The following MTUS2 variants were observed in gnomAD, a reference collection of about 807,000 sequenced individuals.
The protein encoded by MTUS2 is microtubule-associated tumor suppressor candidate 2.
In MTUS2, 40 loss-of-function variants were observed where a neutral mutation model predicts 114.1. That is an observed-to-expected ratio of 0.35 (90% CI 0.27 to 0.46). The LOEUF (loss-of-function observed/expected upper bound fraction) is 0.46, where lower values mean the gene tolerates loss of function less well. Among genes scored for constraint, MTUS2 ranks in the 20% least tolerant of loss-of-function variants. MTUS2 has a pLI of 1.00. For missense variants in MTUS2, 1,679 were observed against 1,705.4 expected (o/e 0.98, Z 0.27); for synonymous variants, 688 against 672.0 (o/e 1.02, Z -0.37).
At chr13:29,211,440 G>C (rs1385989133) in intron 5 of MTUS2, among the ~76,000 whole-genome samples, 43 of 152,392 alleles carry the variant, frequency 2.8e-4, no homozygotes, top group African/African-American at 9.9e-4. Context: ...GCGCCTATCT[G>C]TACTCCCAGA....
At chr13:28,895,010 G>A (rs1327477970) in intron 2 of MTUS2, among the ~76,000 whole-genome samples, 1 of 152,224 alleles carries the variant, frequency 6.6e-6, no homozygotes, top group East Asian at 1.9e-4. Flanking sequence ...AAGGATTAAA[G>A]AATGTATTTC....
rs1048080889 is a variant in MTUS2 at position 29,502,905 on chromosome 13, T to A, written c.3897-88T>A. ...TGTTCTCCCTGCGGTCATCATGGCC[T>A]CCTCCCTTTGCCCTGCACCATTGTC... On this transcript the variant is annotated intron_variant, in intron 15 of 15. Transcript: ENST00000612955. The A allele has an allele frequency of 8.2e-6, 11 of 1,345,566 alleles. No homozygotes were observed. The Admixed American group carries it at 2.1e-4, about 26-fold the overall frequency. 83.4% of individuals were successfully genotyped at this position (1,345,566 alleles called of 1,614,324 possible).
At chr13:29,468,499 A>C (rs1880046009) in intron 9 of MTUS2, among the ~76,000 whole-genome samples, 1 of 151,956 alleles carries the variant, frequency 6.6e-6, no homozygotes, top group Non-Finnish European at 1.5e-5. Context: ...AAATTGTTTG[A>C]ACCTGGGCTG....
At chr13:29,010,793 C>A (rs890476989) in intron 2 of MTUS2, among the ~76,000 whole-genome samples, 1 of 152,140 alleles carries the variant, frequency 6.6e-6, no homozygotes, top group Non-Finnish European at 1.5e-5. Context: ...GAAAGACCAC[C>A]TAACAGTAGA....
At chr13:29,281,411 A>ATGTCTGTGTG (rs1333984864) in intron 5 of MTUS2, among the ~76,000 whole-genome samples, 1 of 140,814 alleles carries the variant, frequency 7.1e-6, no homozygotes, top group African/African-American at 2.7e-5. Context: ...GCATGTATGT[A>ATGTCTGTGTG]TGTATGTCTG....
chr13:29,438,802 A>G (rs1173634306), intron 8 of MTUS2, among the ~76,000 whole-genome samples: 4 of 152,204 alleles, frequency 2.6e-5, no homozygotes, highest in Admixed American at 1.3e-4. Context: ...GTGTATTATG[A>G]AATAGAGTTT....
chr13:29,255,093 T>C (rs1423017293), intron 5 of MTUS2, among the ~76,000 whole-genome samples: 1 of 152,156 alleles, frequency 6.6e-6, no homozygotes, highest in Admixed American at 6.5e-5. Context: ...GGTGCACACA[T>C]GCATCGGCAG....
chr13:29,164,302 A>C (rs944653342), intron 5 of MTUS2, among the ~76,000 whole-genome samples: 1 of 152,150 alleles, frequency 6.6e-6, no homozygotes, highest in East Asian at 1.9e-4. Context: ...CTTTCCTGGC[A>C]CGATTTTTGC....
intron 2 of MTUS2, among the ~76,000 whole-genome samples, chr13:28,921,200 A>T (rs146824132): frequency 6.6e-6 from 1 of 152,198 alleles, no homozygotes; most frequent in East Asian, 1.9e-4. Context: ...CCCATGGCCT[A>T]TCACCTGGGT....
chr13:28,868,886 G>A (rs1436842668), intron 2 of MTUS2, among the ~76,000 whole-genome samples: 2 of 152,194 alleles, frequency 1.3e-5, no homozygotes, highest in Admixed American at 6.5e-5. Flanking sequence ...ACTTTGGGAA[G>A]CATTGGGCTG....
chr13:29,383,259 T>TATATATA (rs1566168666), intron 8 of MTUS2, among the ~76,000 whole-genome samples: 2 of 151,394 alleles, frequency 1.3e-5, no homozygotes, highest in East Asian at 1.9e-4. Context: ...TGTGTATTTA[T>TATATATA]TTTTCTCATG....
At chr13:28,884,980 A>T (rs1465928981) in intron 2 of MTUS2, among the ~76,000 whole-genome samples, 1 of 152,118 alleles carries the variant, frequency 6.6e-6, no homozygotes, top group Non-Finnish European at 1.5e-5. Context: ...GTGTGTGTAT[A>T]AAAATTAATT....
chr13:29,346,251 G>T (rs996092246), intron 7 of MTUS2, among the ~76,000 whole-genome samples: 1 of 152,142 alleles, frequency 6.6e-6, no homozygotes, highest in African/African-American at 2.4e-5. Context: ...GGTGGACAGG[G>T]CCATAGAGCT....
At chr13:28,938,840 GAT>G (rs1230994831) in intron 2 of MTUS2, among the ~76,000 whole-genome samples, 1 of 152,122 alleles carries the variant, frequency 6.6e-6, no homozygotes, top group African/African-American at 2.4e-5. Context: ...AGGCATATGA[GAT>G]AGCTGTATTT....
rs770871373 is a variant in MTUS2 at position 29,497,377 on chromosome 13, C to T, written c.3678+41C>T. ...CAGGCTTCCAGCCCCGCAGGAACCC[C>T]GCCCCAGCAAGGCCGAGGGACTCCC... On this transcript the variant is annotated intron_variant, in intron 13 of 15. Transcript: ENST00000612955. 41 of 1,561,304 alleles carry T rather than the reference C, an allele frequency of 2.6e-5. 1 individual carries two copies. The highest frequency in any genetic ancestry group is 9.2e-5 in the South Asian group (8 of 86,618).
At chr13:29,140,392 C>T (rs1042238897) in intron 5 of MTUS2, among the ~76,000 whole-genome samples, 1 of 152,162 alleles carries the variant, frequency 6.6e-6, no homozygotes, top group Admixed American at 6.5e-5. Flanking sequence ...CAGTTGTGGC[C>T]AATGCAAGCA....
chr13:28,837,335 A>C (rs904734741), intron 1 of MTUS2, among the ~76,000 whole-genome samples: 1 of 151,762 alleles, frequency 6.6e-6, no homozygotes, highest in African/African-American at 2.4e-5. Flanking sequence ...CACGTCCTCA[A>C]CTCTTATCTA....
intron 7 of MTUS2, among the ~76,000 whole-genome samples, chr13:29,351,518 G>T (rs190832919): frequency 2.0e-5 from 3 of 152,040 alleles, no homozygotes; most frequent in African/African-American, 7.2e-5. Flanking sequence ...CCCGGTTCCC[G>T]TGCTTACAAA....
chr13:29,403,915 C>CTA (rs1469168738), intron 8 of MTUS2, among the ~76,000 whole-genome samples: 2 of 151,684 alleles, frequency 1.3e-5, no homozygotes, highest in African/African-American at 4.8e-5. Context: ...CTTTGTATAC[C>CTA]TATATATATA....
Sources: gnomAD v4.1 joint callset for allele counts (sites outside exome capture counted in the v4.1 genomes callset) on GRCh38, gnomAD v4.1.1 for gene constraint, MANE v1.5 for transcripts, NCBI Gene and HGNC (gene_info 2026-07-23, HGNC 2026-07-21) for gene names.